Variants in PROX1 observed in about 807,000 individuals in gnomAD.
PROX1 encodes prospero homeobox protein 1.
In PROX1, 7 loss-of-function variants were observed where a neutral mutation model predicts 58.8. The ratio of observed to expected loss-of-function variants is 0.12; its 90% CI spans 0.07 to 0.22. The LOEUF is 0.22. PROX1 is among the 10% of genes least tolerant of loss of function. The pLI, the probability that PROX1 is intolerant of heterozygous loss-of-function variation, is 1.00. For missense variants in PROX1, 675 were observed against 927.8 expected (o/e 0.73, Z 3.54); for synonymous variants, 350 against 358.3 (o/e 0.98, Z 0.26).
intron 2 of PROX1, among the ~76,000 whole-genome samples, chr1:214,000,813 T>C (rs1054870285): frequency 5.9e-5 from 9 of 152,182 alleles, no homozygotes; most frequent in Admixed American, 3.9e-4. Flanking sequence ...TATGGCAGTG[T>C]GTTCTTCCCT....
chr1:214,021,466 A>T (rs1664277427), intron 4 of PROX1, among the ~76,000 whole-genome samples: 1 of 152,204 alleles, frequency 6.6e-6, no homozygotes, highest in Admixed American at 6.5e-5. Flanking sequence ...TCATCTCTCC[A>T]GATTAAGGAG....
chr1:214,017,254 A>T (rs1664128253), intron 4 of PROX1, among the ~76,000 whole-genome samples: 2 of 152,104 alleles, frequency 1.3e-5, no homozygotes, highest in Admixed American at 6.5e-5. Flanking sequence ...AAGCTTCCCT[A>T]CTTAGAGCTT....
intron 3 of PROX1, among the ~76,000 whole-genome samples, chr1:214,008,664 C>T (rs1663804513): frequency 6.6e-6 from 1 of 152,120 alleles, no homozygotes; most frequent in Non-Finnish European, 1.5e-5. Context: ...GAGGTAAATG[C>T]TTTTCAATTA....
chr1:213,986,398 G>A (rs1159010693), upstream of PROX1: 1 of 152,090 alleles, frequency 6.6e-6, no homozygotes, highest in Non-Finnish European at 1.5e-5. Flanking sequence ...GTTTCCTGCC[G>A]GGATAGACTC....
chr1:214,029,928 G>A (rs1558187787), intron 4 of PROX1: 1 of 152,580 alleles, frequency 6.6e-6, no homozygotes, highest in African/African-American at 2.4e-5. Context: ...CCGCACAGTA[G>A]AACAGCCACA....
At chr1:214,005,112 G>A in intron 2 of PROX1, 53 bp from the exon 3 acceptor site, 2 of 1,420,498 alleles carry the variant, frequency 1.4e-6, no homozygotes, top group East Asian at 2.3e-5. Context: ...AGGGAGGGAG[G>A]TGGGAGTCCT....
rs1392330074 is a variant in PROX1 at position 214,005,146 on chromosome 1, T to C, written c.1726-19T>C. On this transcript the variant is annotated intron_variant, in intron 2 of 4. Coordinates refer to ENST00000366958, the MANE Select transcript of PROX1 (RefSeq NM_001270616.2). ...CTTGTGCTTACAGAATTGCTTTTCC[T>C]TAACCAATTGCATCCTACATGCAGG... 1.0e-5 allele frequency: 16 copies of C among 1,600,506 alleles called. No homozygotes were observed. The highest frequency in any genetic ancestry group is 1.4e-5 in the Non-Finnish European group (16 of 1,167,656).
rs878876716 is a variant in PROX1, at chr1:213,996,377, T to G, written c.-67-92T>G. ...GTAATGTGCCATAAATCCCAGAGCC[T>G]ATGCATTTTGCATTTGATTCAGGAT... On this transcript the variant is annotated intron_variant, in intron 1 of 4. Coordinates refer to ENST00000366958, the MANE Select transcript of PROX1 (RefSeq NM_001270616.2). The G allele has an allele frequency of 2.0e-5, 15 of 760,320 alleles. No homozygotes were observed. The South Asian group carries it at 2.2e-4, about 11-fold the overall frequency. The allele number at this position is 760,320 out of a possible 1,614,324, so 47.1% of individuals were successfully genotyped here. A position where few individuals can be genotyped will look rare whatever the true frequency, so the allele number is the denominator to read the frequency against.
At position 213,996,760 on chromosome 1, in the gene PROX1, G is replaced by A; in HGVS notation, c.225G>A (p.Lys75=). The A allele has an allele frequency of 6.2e-7, 1 of 1,614,214 alleles. No homozygotes were observed. The highest frequency in any genetic ancestry group is 1.3e-5 in the African/African-American group (1 of 75,060). The change falls in exon 2 of 5, where the codon AAG becomes AAA. Residue 75 remains lysine (K), a synonymous_variant. Coordinates refer to ENST00000366958, the MANE Select transcript of PROX1 (RefSeq NM_001270616.2). ...CAAATGTACTCCGCAAGCTGCTGAAGAGGGCGAACTCGTATGAAGATGCCA... is the reference window on the plus strand; with the variant it reads ...CAAATGTACTCCGCAAGCTGCTGAAAAGGGCGAACTCGTATGAAGATGCCA... ...EKSNVLRKLL[K]RANSYEDAMM... is the part of the protein sequence containing the mutation.
rs1180413709 is a variant in PROX1 at position 213,996,461 on chromosome 1, T to A, written c.-67-8T>A. 3 of 1,500,902 alleles carry A rather than the reference T, an allele frequency of 2.0e-6. No homozygotes were observed. In the East Asian group the frequency reaches 6.8e-5, roughly 34 times the overall value. The allele number at this position is 1,500,902 out of a possible 1,614,324, so 93.0% of individuals were successfully genotyped here. A position where few individuals can be genotyped will look rare whatever the true frequency, so the allele number is the denominator to read the frequency against. On this transcript the variant is annotated splice_region_variant and splice_polypyrimidine_tract_variant and intron_variant, in intron 1 of 4. Coordinates refer to ENST00000366958, the MANE Select transcript of PROX1 (RefSeq NM_001270616.2). ...ATGATTCATCAGTCCTTTTGTTCTG[T>A]TGGCCAGGGTCCCGGGATTCTTGAG...
At chr1:213,986,596 C>T (rs1662831233), upstream of PROX1, among the ~76,000 whole-genome samples, 1 of 152,150 alleles carries the variant, frequency 6.6e-6, no homozygotes, top group Non-Finnish European at 1.5e-5. Context: ...GTTGTCACGA[C>T]ACAGCATGAT....
intron 1 of PROX1, among the ~76,000 whole-genome samples, chr1:213,995,577 T>G (rs924275134): frequency 2.6e-5 from 4 of 152,168 alleles, no homozygotes; most frequent in Admixed American, 2.6e-4. Context: ...AGAAGGAAAC[T>G]AGTCCTGAAG....
At chr1:213,993,415 G>C (rs1663108787) in intron 1 of PROX1, among the ~76,000 whole-genome samples, 1 of 152,096 alleles carries the variant, frequency 6.6e-6, no homozygotes, top group Admixed American at 6.5e-5. Context: ...AGAAATAAAG[G>C]AGTTTAAAAA....
At chr1:214,018,078 C>CA (rs1664156233) in intron 4 of PROX1, among the ~76,000 whole-genome samples, 1 of 152,216 alleles carries the variant, frequency 6.6e-6, no homozygotes, top group African/African-American at 2.4e-5. Flanking sequence ...TTTTGAAAGA[C>CA]AGCCTGTTTA....
intron 4 of PROX1, among the ~76,000 whole-genome samples, chr1:214,032,406 T>A (rs1222623149): frequency 1.3e-5 from 2 of 152,100 alleles, no homozygotes; most frequent in Non-Finnish European, 2.9e-5. Context: ...TTTTTTTTTT[T>A]TTATTTTTGA....
intron 4 of PROX1, among the ~76,000 whole-genome samples, chr1:214,034,358 T>C (rs557155372): frequency 6.6e-6 from 1 of 152,356 alleles, no homozygotes; most frequent in East Asian, 1.9e-4. Context: ...AGATGAAATG[T>C]CTTTCATCTC....
At chr1:214,028,412 C>T (rs966811943) in intron 4 of PROX1, among the ~76,000 whole-genome samples, 4 of 152,164 alleles carry the variant, frequency 2.6e-5, no homozygotes, top group Non-Finnish European at 4.4e-5. Context: ...CAGCTACGAA[C>T]AGTGCAGAAA....
At position 213,996,785 on chromosome 1, in the gene PROX1, A is replaced by G; in HGVS notation, c.250A>G (p.Met84Val). 6.2e-7 allele frequency: 1 copy of G among 1,614,222 alleles called. No individual in the cohort carries two copies. The highest frequency in any genetic ancestry group is 8.5e-7 in the Non-Finnish European group (1 of 1,180,044). ...GAGGGCGAACTCGTATGAAGATGCC[A>G]TGATGCCTTTTCCAGGAGCAACCAT... ...LKRANSYEDA[M>V]MPFPGATIIS... The change falls in exon 2 of 5, where the codon ATG becomes GTG. Residue 84 changes from methionine (M) to valine (V), a missense_variant. By Grantham distance (21) the Met-to-Val change is conservative. Coordinates refer to ENST00000366958, the MANE Select transcript of PROX1 (RefSeq NM_001270616.2).
At chr1:214,017,354 G>A (rs1031621233) in intron 4 of PROX1, among the ~76,000 whole-genome samples, 1 of 152,022 alleles carries the variant, frequency 6.6e-6, no homozygotes, top group Non-Finnish European at 1.5e-5. Context: ...GCACAGAGAG[G>A]CCCTTTGACT....
Sources: allele counts gnomAD v4.1 joint callset (sites outside exome capture counted in the v4.1 genomes callset), GRCh38; gene constraint gnomAD v4.1.1; transcripts MANE v1.5; gene names NCBI Gene and HGNC (gene_info 2026-07-23, HGNC 2026-07-21).